Variants in CACNB2 observed in about 807,000 individuals in gnomAD.
The protein encoded by CACNB2 is calcium voltage-gated channel auxiliary subunit beta 2, also known as voltage-dependent L-type calcium channel subunit beta-2.
CACNB2 carries 42 observed loss-of-function variants against 73.3 expected under a neutral mutation model. That is an observed-to-expected ratio of 0.57 (90% CI 0.45 to 0.74). The LOEUF (loss-of-function observed/expected upper bound fraction) is 0.74. Among genes scored for constraint, CACNB2 ranks in the 30% least tolerant of loss-of-function variants. CACNB2 has a pLI of 0.00. For missense variants in CACNB2, 940 were observed against 853.0 expected, an observed-to-expected ratio of 1.10 and a Z score of -1.27; for synonymous variants, 348 against 310.3, an observed-to-expected ratio of 1.12 and a Z score of -1.28.
At chr10:18,533,644 G>T (rs1477890715) in intron 10 of CACNB2, among the ~76,000 whole-genome samples, 1 of 152,178 alleles carries the variant, frequency 6.6e-6, no homozygotes, top group Admixed American at 6.5e-5. Context: ...CGGCATACAG[G>T]TGACATGTAA....
At chr10:18,250,928 AGCCGTTT>A (rs1314723270) in intron 2 of CACNB2, among the ~76,000 whole-genome samples, 3 of 152,210 alleles carry the variant, frequency 2.0e-5, no homozygotes, top group Admixed American at 6.5e-5. Context: ...TGGGAGGAAA[AGCCGTTT>A]GCTTTAACTA....
chr10:18,145,969 C>T (rs953741672), intron 1 of CACNB2, among the ~76,000 whole-genome samples: 1 of 152,118 alleles, frequency 6.6e-6, no homozygotes, highest in African/African-American at 2.4e-5. Flanking sequence ...CTTCCTCCCT[C>T]CTCCCTCCTG....
chr10:18,282,931 G>A (rs1043383997), intron 2 of CACNB2, among the ~76,000 whole-genome samples: 1 of 152,098 alleles, frequency 6.6e-6, no homozygotes, highest in African/African-American at 2.4e-5. Flanking sequence ...CTGACAAAGG[G>A]CTAATATCCA....
intron 2 of CACNB2, among the ~76,000 whole-genome samples, chr10:18,175,715 A>G (rs1331102911): frequency 6.6e-6 from 1 of 152,166 alleles, no homozygotes; most frequent in Admixed American, 6.5e-5. Flanking sequence ...CTCCTGCCTC[A>G]GCCTCCTGAA....
At chr10:18,475,774 G>T (rs1321116201) in intron 3 of CACNB2, among the ~76,000 whole-genome samples, 2 of 152,164 alleles carry the variant, frequency 1.3e-5, no homozygotes, top group Non-Finnish European at 2.9e-5. Context: ...AGAGCTTTGT[G>T]TGTTCAGACT....
At chr10:18,503,600 A>C (rs1039498822) in intron 5 of CACNB2, among the ~76,000 whole-genome samples, 4 of 152,298 alleles carry the variant, frequency 2.6e-5, no homozygotes, top group Non-Finnish European at 2.9e-5. Context: ...AACAAACAAA[A>C]AAAAGAACCA....
chr10:18,442,115 G>C (rs868038177), intron 3 of CACNB2, among the ~76,000 whole-genome samples: 1 of 152,086 alleles, frequency 6.6e-6, no homozygotes, highest in Admixed American at 6.6e-5. Context: ...GAAAGGATCT[G>C]TTCCTTGTAG....
intron 3 of CACNB2, among the ~76,000 whole-genome samples, chr10:18,463,058 C>A (rs898459869): frequency 2.0e-5 from 3 of 152,136 alleles, no homozygotes; most frequent in Non-Finnish European, 4.4e-5. Flanking sequence ...CACCCGGCCA[C>A]TTATTTCATT....
chr10:18,349,126 A>G (rs528712528), intron 2 of CACNB2, among the ~76,000 whole-genome samples: 33 of 152,292 alleles, frequency 2.2e-4, no homozygotes, highest in African/African-American at 7.0e-4. Flanking sequence ...CAAACAGAAC[A>G]AAGGGACCTC....
intron 3 of CACNB2, among the ~76,000 whole-genome samples, chr10:18,448,810 AG>A (rs938995316): frequency 6.6e-6 from 1 of 152,226 alleles, no homozygotes; most frequent in African/African-American, 2.4e-5. Context: ...GAAAGAAGAA[AG>A]GGTGAATAAA....
chr10:18,464,418 T>TTAAAAA lies in CACNB2; in HGVS notation c.334-33937_334-33936insTAAAAA, dbSNP rs1360690647. Among the ~76,000 whole-genome samples, 51 of 85,286 alleles carry TTAAAAA rather than the reference T, an allele frequency of 6.0e-4. 2 individuals carry two copies. Among genetic ancestry groups the TTAAAAA allele is most frequent in the African/African-American group, 7.2e-4 (18 of 24,956 alleles). The allele number at this position is 85,286 out of a possible 152,430, so 56.0% of individuals were successfully genotyped here. A position where few individuals can be genotyped will look rare whatever the true frequency, so the allele number is the denominator to read the frequency against. The stretch of plus-strand genomic sequence containing the variant: ...CAGAGTGAGACCCTGTCTCAAAAAT[T>TTAAAAA]AAAAAAAAAAAAAAAAAAAAAAGAA... On this transcript the variant is annotated intron_variant, in intron 3 of 13. Coordinates refer to ENST00000324631, the MANE Select transcript of CACNB2 (RefSeq NM_201596.3).
At chr10:18,319,148 G>A (rs1026597634) in intron 2 of CACNB2, among the ~76,000 whole-genome samples, 2 of 152,086 alleles carry the variant, frequency 1.3e-5, no homozygotes, top group African/African-American at 2.4e-5. Context: ...ACATGCACAC[G>A]TACATTTATT....
chr10:18,154,032 T>C lies in CACNB2; in HGVS notation c.213+3057T>C, dbSNP rs1013515182. 4.0e-4 allele frequency among the ~76,000 whole-genome samples: 60 copies of C among 151,888 alleles called. 2 individuals carry two copies. The highest frequency in any genetic ancestry group is 1.4e-3 in the African/African-American group (58 of 41,334). On this transcript the variant is annotated intron_variant, in intron 2 of 13. Coordinates refer to ENST00000324631, the MANE Select transcript of CACNB2 (RefSeq NM_201596.3). The stretch of plus-strand genomic sequence containing the variant: ...ATATATAATTGGTATTACAAAGATA[T>C]TTGCCCAATAGAATTTTGTTTTAAA...
intron 2 of CACNB2, among the ~76,000 whole-genome samples, chr10:18,223,175 T>C (rs954282793): frequency 6.6e-6 from 1 of 152,234 alleles, no homozygotes; most frequent in African/African-American, 2.4e-5. Flanking sequence ...CAGAAAGATT[T>C]GTTTGATTTT....
At chr10:18,519,491 T>G (rs2051624064) in intron 9 of CACNB2, among the ~76,000 whole-genome samples, 1 of 152,186 alleles carries the variant, frequency 6.6e-6, no homozygotes, top group Non-Finnish European at 1.5e-5. Flanking sequence ...TTATCTCCAA[T>G]GACTATGTTC....
intron 6 of CACNB2, among the ~76,000 whole-genome samples, chr10:18,513,951 T>G (rs557996654): frequency 1.1e-4 from 16 of 152,258 alleles, no homozygotes; most frequent in Non-Finnish European, 2.4e-4. Flanking sequence ...ACATTATATT[T>G]GAAACTACAG....
intron 2 of CACNB2, among the ~76,000 whole-genome samples, chr10:18,352,742 C>T (rs1195160334): frequency 1.3e-5 from 2 of 152,168 alleles, no homozygotes; most frequent in Non-Finnish European, 2.9e-5. Flanking sequence ...TAGTATATGA[C>T]ATTTTTAAGG....
intron 9 of CACNB2, among the ~76,000 whole-genome samples, chr10:18,521,107 G>A (rs1027357578): frequency 1.3e-5 from 2 of 152,182 alleles, no homozygotes; most frequent in South Asian, 2.1e-4. Flanking sequence ...AGAGAAATGC[G>A]GAGATGGTGA....
At chr10:18,231,948 T>C (rs147382892) in intron 2 of CACNB2, among the ~76,000 whole-genome samples, 1 of 152,240 alleles carries the variant, frequency 6.6e-6, no homozygotes, top group African/African-American at 2.4e-5. Context: ...AAATACATAT[T>C]TGGAATGCTC....
Sources: allele counts gnomAD v4.1 joint callset (sites outside exome capture counted in the v4.1 genomes callset), GRCh38; gene constraint gnomAD v4.1.1; transcripts MANE v1.5; gene names NCBI Gene and HGNC (gene_info 2026-07-23, HGNC 2026-07-21).